Variants in EPM2A observed in about 807,000 individuals in gnomAD.
EPM2A encodes the protein laforin.
In EPM2A, 21 loss-of-function variants were observed where a neutral mutation model predicts 26.5. The ratio of observed to expected loss-of-function variants is 0.79; its 90% confidence interval spans 0.56 to 1.14. The LOEUF is 1.14. Ranked by LOEUF, EPM2A falls within the 50% of genes most tolerant of loss-of-function variation. The pLI is 0.00. For synonymous variants in EPM2A, 217 were observed against 177.6 expected, an observed-to-expected ratio of 1.22 and a Z score of -1.76; for missense variants, 458 against 440.8, an observed-to-expected ratio of 1.04 and a Z score of -0.35.
chr6:145,541,248 C>G (rs963309447), intron 2 of EPM2A, among the ~76,000 whole-genome samples: 6 of 146,894 alleles, frequency 4.1e-5, no homozygotes, highest in African/African-American at 1.5e-4. Context: ...ATATAACATA[C>G]ATACATATAT....
At chr6:145,734,224 T>C (rs1776678942) in intron 1 of EPM2A, among the ~76,000 whole-genome samples, 1 of 152,238 alleles carries the variant, frequency 6.6e-6, no homozygotes, top group Non-Finnish European at 1.5e-5. Flanking sequence ...AGATGCAGAA[T>C]AATTTGTTGC....
At chr6:145,416,377 T>C (rs1778708522) in intron 4 of EPM2A, among the ~76,000 whole-genome samples, 1 of 152,164 alleles carries the variant, frequency 6.6e-6, no homozygotes, top group African/African-American at 2.4e-5. Context: ...AATGCTTTTC[T>C]TATGAAAATT....
At chr6:145,453,381 GA>G (rs1418063089) in intron 4 of EPM2A, among the ~76,000 whole-genome samples, 1 of 152,044 alleles carries the variant, frequency 6.6e-6, no homozygotes, top group Non-Finnish European at 1.5e-5. Flanking sequence ...CTGTTGTTTT[GA>G]AATTAAATTT....
intron 4 of EPM2A, among the ~76,000 whole-genome samples, chr6:145,424,934 G>T (rs1778833116): frequency 6.6e-6 from 1 of 152,004 alleles, no homozygotes; most frequent in Non-Finnish European, 1.5e-5. Flanking sequence ...TGTTATAGCA[G>T]CCCCAATGGA....
intron 4 of EPM2A, among the ~76,000 whole-genome samples, chr6:145,444,605 T>C (rs1484220587): frequency 6.6e-6 from 1 of 152,184 alleles, no homozygotes; most frequent in East Asian, 1.9e-4. Context: ...ATAGAATGAG[T>C]TGGGGATGAG....
intron 2 of EPM2A, among the ~76,000 whole-genome samples, chr6:145,684,428 T>A (rs1420608994): frequency 1.3e-5 from 2 of 152,126 alleles, no homozygotes; most frequent in Non-Finnish European, 2.9e-5. Context: ...CATAAACATA[T>A]CCTCATTAAA....
chr6:145,479,360 A>G (rs1288170579), intron 4 of EPM2A, among the ~76,000 whole-genome samples: 2 of 149,590 alleles, frequency 1.3e-5, no homozygotes, highest in African/African-American at 2.4e-5. Flanking sequence ...TGCATTCACA[A>G]TGTTGTGCAA....
chr6:145,433,763 A>G (rs1778951371), intron 4 of EPM2A, among the ~76,000 whole-genome samples: 1 of 152,182 alleles, frequency 6.6e-6, no homozygotes, highest in East Asian at 1.9e-4. Flanking sequence ...AACCTGCTAA[A>G]TTCAAAATTT....
chr6:145,639,602 A>C (rs1032592762), intron 2 of EPM2A: 1 of 152,166 alleles, frequency 6.6e-6, no homozygotes, highest in African/African-American at 2.4e-5. Context: ...AATATCAGTA[A>C]AAAATATGGA....
intron 2 of EPM2A, among the ~76,000 whole-genome samples, chr6:145,670,567 A>C (rs1779569216): frequency 6.6e-6 from 1 of 152,176 alleles, no homozygotes; most frequent in African/African-American, 2.4e-5. Flanking sequence ...ATTTCTTCAT[A>C]CACTTTAGCT....
intron 4 of EPM2A, among the ~76,000 whole-genome samples, chr6:145,404,665 G>C (rs1778542702): frequency 6.6e-6 from 1 of 151,926 alleles, no homozygotes; most frequent in Admixed American, 6.6e-5. Flanking sequence ...TTCATTATAT[G>C]GTAAAATAGG....
intron 2 of EPM2A, among the ~76,000 whole-genome samples, chr6:145,676,966 G>C (rs769265137): frequency 2.4e-4 from 37 of 152,068 alleles, no homozygotes; most frequent in Non-Finnish European, 4.4e-4. Context: ...GCCTGGCAGA[G>C]ACACACACAC....
intron 4 of EPM2A, among the ~76,000 whole-genome samples, chr6:145,435,750 A>T (rs1326097343): frequency 1.3e-5 from 2 of 151,762 alleles, no homozygotes; most frequent in African/African-American, 4.8e-5. Context: ...TTTTTTTTGT[A>T]TCTGGCTTCT....
chr6:145,635,671 G>T, intron 2 of EPM2A, 185 bp from the exon 3 acceptor site: 2 of 602,000 alleles, frequency 3.3e-6, no homozygotes, highest in Non-Finnish European at 2.9e-6. Context: ...TTGCTGCTTT[G>T]GGGAAAGCAA....
intron 2 of EPM2A, among the ~76,000 whole-genome samples, chr6:145,658,719 G>A (rs193247014): frequency 1.1e-3 from 171 of 152,252 alleles, no homozygotes; most frequent in African/African-American, 4.0e-3. Flanking sequence ...ATAAGTTAAA[G>A]TAGTGAAAAG....
At chr6:145,444,173 G>C (rs1349520127) in intron 4 of EPM2A, among the ~76,000 whole-genome samples, 2 of 152,108 alleles carry the variant, frequency 1.3e-5, no homozygotes, top group South Asian at 2.1e-4. Context: ...TCTTTGACTT[G>C]TTCTGATTTT....
At chr6:145,416,713 A>G (rs868798875) in intron 4 of EPM2A, among the ~76,000 whole-genome samples, 3 of 152,274 alleles carry the variant, frequency 2.0e-5, no homozygotes, top group Non-Finnish European at 2.9e-5. Context: ...AACTGTTTTG[A>G]CTGCTTTTAC....
chr6:145,469,608 G>C (rs909406042), intron 4 of EPM2A, among the ~76,000 whole-genome samples: 1 of 152,092 alleles, frequency 6.6e-6, no homozygotes, highest in African/African-American at 2.4e-5. Context: ...ATAAAGAACA[G>C]TTTGGAGGTT....
intron 1 of EPM2A, chr6:145,722,712 G>A (rs1439065089): frequency 9.0e-6 from 4 of 444,800 alleles, no homozygotes; most frequent in Non-Finnish European, 1.8e-5. Context: ...CTTATTTGAA[G>A]ATAGGATGTT....
Sources: allele counts gnomAD v4.1 joint callset (sites outside exome capture counted in the v4.1 genomes callset), GRCh38; gene constraint gnomAD v4.1.1; transcripts MANE v1.5; gene names NCBI Gene and HGNC (gene_info 2026-07-23, HGNC 2026-07-21).